Variants in RAB33A observed in about 807,000 individuals in gnomAD.
RAB33A encodes ras-related protein Rab-33A.
A neutral mutation model predicts 12.0 loss-of-function variants in RAB33A; 6 were observed. The ratio of observed to expected loss-of-function variants is 0.50; its 90% CI spans 0.27 to 0.99. RAB33A has a LOEUF of 0.99. Ranked by LOEUF, RAB33A falls within the 50% of genes least tolerant of loss-of-function variation. The pLI, the probability that RAB33A is intolerant of heterozygous loss-of-function variation, is 0.11. For missense variants in RAB33A, 109 were observed against 192.0 expected (o/e 0.57, Z 2.55); for synonymous variants, 70 against 82.4 (o/e 0.85, Z 0.81).
At chrX:130,133,739 C>T in the RAB33A span, among the ~76,000 whole-genome samples, 2 of 109,814 alleles carry the variant, frequency 1.8e-5, no homozygotes, top group Non-Finnish European at 3.8e-5. Flanking sequence ...ATGATCCTCC[C>T]GCCTCAGCCT....
At chrX:130,120,227 GTT>G in the RAB33A span, among the ~76,000 whole-genome samples, 3 of 109,612 alleles carry the variant, frequency 2.7e-5, no homozygotes, top group Admixed American at 9.6e-5. Context: ...TTGTTTTTTT[GTT>G]TTTTGTTTTT....
At chrX:130,175,070 T>A (rs1216757519) in intron 1 of RAB33A, among the ~76,000 whole-genome samples, 2 of 111,771 alleles carry the variant, frequency 1.8e-5, no homozygotes, top group Admixed American at 9.5e-5. Context: ...ACATGCATTA[T>A]CTTATTTACT....
At chrX:130,179,605 G>T (rs771122630) in intron 1 of RAB33A, among the ~76,000 whole-genome samples, 1 of 108,260 alleles carries the variant, frequency 9.2e-6, no homozygotes, top group African/African-American at 3.4e-5. Flanking sequence ...GGAACACCAC[G>T]GAGAGGTGGA....
chrX:130,154,381 C>A, the RAB33A span, among the ~76,000 whole-genome samples: 1 of 112,128 alleles, frequency 8.9e-6, no homozygotes, highest in South Asian at 3.7e-4. Flanking sequence ...TACCAACATA[C>A]TGAACACAAA....
the RAB33A span, among the ~76,000 whole-genome samples, chrX:130,142,526 G>T: frequency 9.0e-6 from 1 of 111,601 alleles, no homozygotes; most frequent in African/African-American, 3.3e-5. Flanking sequence ...CATCCAATAG[G>T]TCCCACCTTT....
the RAB33A span, among the ~76,000 whole-genome samples, chrX:130,151,800 G>A: frequency 8.9e-5 from 10 of 111,838 alleles, no homozygotes; most frequent in South Asian, 3.7e-3. Context: ...CAGCACTTTG[G>A]GAGGCCAAGT....
At chrX:130,130,026 C>T in the RAB33A span, 1 of 1,211,890 alleles carries the variant, frequency 8.3e-7, no homozygotes, top group Non-Finnish European at 1.1e-6. Flanking sequence ...CCCACGACCA[C>T]TTTGTCCCTG....
chrX:130,160,401 C>T, the RAB33A span, among the ~76,000 whole-genome samples: 3 of 111,976 alleles, frequency 2.7e-5, no homozygotes, highest in East Asian at 5.6e-4. Context: ...TGCAGTCAGA[C>T]CACACATACA....
At chrX:130,133,630 A>AT in the RAB33A span, among the ~76,000 whole-genome samples, 6 of 103,439 alleles carry the variant, frequency 5.8e-5, no homozygotes, top group East Asian at 6.1e-4. Flanking sequence ...ACCCATTTAA[A>AT]TTTTTTTTTT....
chrX:130,163,345 G>A, the RAB33A span, among the ~76,000 whole-genome samples: 1 of 110,085 alleles, frequency 9.1e-6, no homozygotes, highest in Non-Finnish European at 1.9e-5. Flanking sequence ...AAGGTGGAGG[G>A]AGAAATGGTG....
At chrX:130,149,485 T>A in the RAB33A span, 1 of 1,209,693 alleles carries the variant, frequency 8.3e-7, no homozygotes, top group Non-Finnish European at 1.1e-6. Flanking sequence ...ACGCGGCCTT[T>A]TTCTGTTTCT....
chrX:130,171,772 G>A (rs1054916152), upstream of RAB33A: 6 of 330,097 alleles, frequency 1.8e-5, no homozygotes, highest in Admixed American at 2.8e-4. Context: ...CAGAAGGCTC[G>A]CGGCTCGTCC....
chrX:130,153,389 C>A, the RAB33A span, among the ~76,000 whole-genome samples: 6 of 107,109 alleles, frequency 5.6e-5, no homozygotes, highest in East Asian at 2.9e-4. Flanking sequence ...GCAGTTTACT[C>A]CCTTTTTTTG....
upstream of RAB33A, among the ~76,000 whole-genome samples, chrX:130,169,065 A>G (rs1402476627): frequency 3.6e-5 from 4 of 109,788 alleles, no homozygotes; most frequent in Non-Finnish European, 5.7e-5. Flanking sequence ...AAAATTAGCC[A>G]GGCGTGGTGG....
upstream of RAB33A, among the ~76,000 whole-genome samples, chrX:130,170,943 C>G (rs372304704): frequency 1.1e-4 from 13 of 113,056 alleles, no homozygotes; most frequent in African/African-American, 2.9e-4. Flanking sequence ...AGCTTCCCCC[C>G]CTTCTCCTAG....
chrX:130,161,617 T>C, the RAB33A span, among the ~76,000 whole-genome samples: 2 of 107,397 alleles, frequency 1.9e-5, no homozygotes, highest in Non-Finnish European at 3.9e-5. Context: ...GCCTTTTTTT[T>C]TTTTTTTTGA....
chrX:130,115,740 A>G, the RAB33A span, among the ~76,000 whole-genome samples: 1 of 110,396 alleles, frequency 9.1e-6, no homozygotes, highest in African/African-American at 3.3e-5. Flanking sequence ...AAAGAAAAGG[A>G]AAGTTGCCTA....
the RAB33A span, among the ~76,000 whole-genome samples, chrX:130,111,629 A>G: frequency 9.0e-6 from 1 of 111,724 alleles, no homozygotes; most frequent in East Asian, 2.8e-4. Flanking sequence ...CGCTGGCAAG[A>G]TATGAGTCAG....
the RAB33A span, among the ~76,000 whole-genome samples, chrX:130,140,781 G>C: frequency 8.9e-6 from 1 of 112,342 alleles, no homozygotes; most frequent in Non-Finnish European, 1.9e-5. Context: ...TCTGATTTCA[G>C]AACATTTCCA....
Sources: allele counts gnomAD v4.1 joint callset (sites outside exome capture counted in the v4.1 genomes callset), GRCh38; gene constraint gnomAD v4.1.1; transcripts MANE v1.5; gene names NCBI Gene and HGNC (gene_info 2026-07-23, HGNC 2026-07-21).